The following LRP1B variants were observed in gnomAD, a reference collection of about 807,000 sequenced individuals.
The protein encoded by LRP1B is LDL receptor related protein 1B, also known as low-density lipoprotein receptor-related protein 1B.
Under a neutral mutation model 556.6 loss-of-function variants are expected in LRP1B, and 217 were observed. The ratio of observed to expected loss-of-function variants is 0.39; its 90% confidence interval spans 0.35 to 0.44. The LOEUF is 0.44. Among genes scored for constraint, LRP1B ranks in the 20% least tolerant of loss-of-function variants. The probability of loss-of-function intolerance (pLI) is 1.00; values close to 1 mark genes in which losing one functional copy is unlikely to be tolerated. For synonymous variants in LRP1B, 2,047 were observed against 1,865.8 expected (o/e 1.10, Z -2.50); for missense variants, 5,053 against 5,620.8 (o/e 0.90, Z 3.23).
chr2:140,941,971 A>G (rs1695415603), intron 20 of LRP1B, among the ~76,000 whole-genome samples: 1 of 152,198 alleles, frequency 6.6e-6, no homozygotes, highest in Non-Finnish European at 1.5e-5. Context: ...TGACAGACAT[A>G]GAATTCAGAA....
chr2:141,780,891 T>C (rs1207917120), intron 2 of LRP1B, among the ~76,000 whole-genome samples: 1 of 152,156 alleles, frequency 6.6e-6, no homozygotes, highest in East Asian at 1.9e-4. Flanking sequence ...AGGATATTTA[T>C]TTAGGTAATA....
rs1013372252 is a variant in LRP1B at position 140,269,303 on chromosome 2, A to C, written c.13247+939T>G. ...GCTCATTAAACGCAGTTAAAGTGCA[A>C]ATCCCCTCATTCTGACAGTAGTGAT... On this transcript the variant is annotated intron_variant, in intron 86 of 90. Transcript: ENST00000389484. 1.9e-5 allele frequency: 9 copies of C among 471,084 alleles called. No homozygotes were observed. The Admixed American group carries it at 2.1e-4, about 11-fold the overall frequency. 29.2% of individuals were successfully genotyped at this position (471,084 alleles called of 1,614,324 possible). A position where few individuals can be genotyped will look rare whatever the true frequency, so the allele number is the denominator to read the frequency against.
intron 86 of LRP1B, among the ~76,000 whole-genome samples, chr2:140,266,687 CCTTT>C (rs1479726550): frequency 6.6e-6 from 1 of 151,940 alleles, no homozygotes; most frequent in South Asian, 2.1e-4. Context: ...GATGTTCAAC[CCTTT>C]CTTTCCTATA....
In LRP1B at chr2:141,836,693, G is replaced by A. The variant is rs1268626561; in HGVS notation, c.83-26292C>T. Among the ~76,000 whole-genome samples the A allele has an allele frequency of 3.3e-5, 5 of 151,992 alleles. 1 individual carries two copies. The East Asian group carries it at 7.7e-4, about 23-fold the overall frequency. On this transcript the variant is annotated intron_variant, in intron 1 of 90. Transcript: ENST00000389484. ...ACTGCTAACAGTATTTCTTTATGCT[G>A]CTATCTTAATTGCAATATATTTGTG...
At chr2:140,736,832 C>A (rs1163865108) in intron 35 of LRP1B, among the ~76,000 whole-genome samples, 1 of 152,024 alleles carries the variant, frequency 6.6e-6, no homozygotes, top group African/African-American at 2.4e-5. Context: ...TGTTTTGAAC[C>A]CTTCTCACCC....
chr2:141,549,923 A>T (rs748543852), intron 2 of LRP1B, among the ~76,000 whole-genome samples: 15 of 152,192 alleles, frequency 9.9e-5, no homozygotes, highest in Non-Finnish European at 2.2e-4. Flanking sequence ...TGAACCTAGG[A>T]GGCGGAGGTT....
In LRP1B at chr2:140,951,848, T is replaced by C. The variant is rs763036657; in HGVS notation, c.2968+12A>G. 63 of 1,604,770 alleles carry C rather than the reference T, an allele frequency of 3.9e-5. 2 individuals carry two copies. In the South Asian group the frequency reaches 4.4e-4, roughly 11 times the overall value. On this transcript the variant is annotated intron_variant, in intron 19 of 90. Transcript: ENST00000389484. Reference sequence around the variant, plus strand: ...TCAAATTAGTGCTATACAGTGAGCATTTGGTACTTGCCAGAGTCGCAGTGC... The same window carrying C: ...TCAAATTAGTGCTATACAGTGAGCACTTGGTACTTGCCAGAGTCGCAGTGC...
chr2:142,048,271 T>C (rs375214169), intron 1 of LRP1B, among the ~76,000 whole-genome samples: 15 of 152,128 alleles, frequency 9.9e-5, no homozygotes, highest in East Asian at 5.8e-4. Context: ...AGGTATGCCA[T>C]CTTGTACATA....
intron 8 of LRP1B, 83 bp downstream of exon 8, chr2:141,061,968 A>G (rs1337655351): frequency 1.1e-5 from 12 of 1,080,042 alleles, no homozygotes; most frequent in Non-Finnish European, 1.7e-5. Context: ...CGACTTTACA[A>G]GAAATTTTCA....
intron 66 of LRP1B, among the ~76,000 whole-genome samples, chr2:140,441,886 T>G (rs560085252): frequency 6.6e-6 from 1 of 152,344 alleles, no homozygotes; most frequent in Non-Finnish European, 1.5e-5. Flanking sequence ...GTTAACAGCT[T>G]TAACATAGAA....
At chr2:141,513,687 T>C (rs1684207663) in intron 2 of LRP1B, among the ~76,000 whole-genome samples, 1 of 151,870 alleles carries the variant, frequency 6.6e-6, no homozygotes, top group Non-Finnish European at 1.5e-5. Flanking sequence ...ATTTATTTAT[T>C]TTTTGTTTTT....
chr2:140,240,202 C>T (rs1680887179), intron 87 of LRP1B, among the ~76,000 whole-genome samples: 1 of 146,274 alleles, frequency 6.8e-6, no homozygotes, highest in African/African-American at 2.4e-5. Context: ...GGTTCTCTTT[C>T]TCATGTTCTA....
chr2:140,479,169 C>G (rs1412486517), intron 59 of LRP1B, among the ~76,000 whole-genome samples: 1 of 152,084 alleles, frequency 6.6e-6, no homozygotes, highest in African/African-American at 2.4e-5. Context: ...TAGCTAACTT[C>G]TGATGGCTAG....
chr2:141,820,209 A>G (rs1380897856), intron 1 of LRP1B, among the ~76,000 whole-genome samples: 1 of 152,230 alleles, frequency 6.6e-6, no homozygotes, highest in African/African-American at 2.4e-5. Flanking sequence ...CTGGCATGCA[A>G]TTGTAACTTA....
intron 5 of LRP1B, among the ~76,000 whole-genome samples, chr2:141,240,362 T>C (rs186701692): frequency 1.5e-3 from 196 of 131,204 alleles, no homozygotes; most frequent in Non-Finnish European, 2.8e-3. Context: ...TCAATTTTTT[T>C]TTCTTAAAAA....
At chr2:141,541,130 G>A (rs568441701) in intron 2 of LRP1B, among the ~76,000 whole-genome samples, 68 of 152,034 alleles carry the variant, frequency 4.5e-4, no homozygotes, top group African/African-American at 1.6e-3. Flanking sequence ...ATTATTAAAA[G>A]AAAGTCAATA....
At chr2:141,369,897 A>T (rs1689168500) in intron 3 of LRP1B, among the ~76,000 whole-genome samples, 1 of 152,176 alleles carries the variant, frequency 6.6e-6, no homozygotes, top group Non-Finnish European at 1.5e-5. Flanking sequence ...GCAGTATTTG[A>T]CTTGCTGTGT....
At chr2:141,526,941 C>T (rs1020478533) in intron 2 of LRP1B, among the ~76,000 whole-genome samples, 1 of 151,992 alleles carries the variant, frequency 6.6e-6, no homozygotes, top group Non-Finnish European at 1.5e-5. Context: ...ATCCGGATTA[C>T]AGGAAAATCT....
intron 62 of LRP1B, among the ~76,000 whole-genome samples, chr2:140,455,311 G>A (rs1687051306): frequency 6.6e-6 from 1 of 152,114 alleles, no homozygotes; most frequent in African/African-American, 2.4e-5. Flanking sequence ...AACCTCTTGA[G>A]GGCAGCTCAC....
Sources: allele counts gnomAD v4.1 joint callset (sites outside exome capture counted in the v4.1 genomes callset), GRCh38; gene constraint gnomAD v4.1.1; transcripts MANE v1.5; gene names NCBI Gene and HGNC (gene_info 2026-07-23, HGNC 2026-07-21).